STK3: variants seen among roughly 807,000 people sequenced by gnomAD.
STK3 encodes the protein serine/threonine-protein kinase 3.
A neutral mutation model predicts 58.0 loss-of-function variants in STK3; 41 were observed. That is an observed-to-expected ratio of 0.71 (90% CI 0.55 to 0.92). The LOEUF is 0.92. Among genes scored for constraint, STK3 ranks in the 40% least tolerant of loss-of-function variants. STK3 has a pLI of 0.00. For missense variants in STK3, 479 were observed against 602.7 expected (o/e 0.79, Z 2.15); for synonymous variants, 170 against 191.0 (o/e 0.89, Z 0.91).
At chr8:98,522,535 CTT>C (rs1477120162) in intron 10 of STK3, among the ~76,000 whole-genome samples, 1 of 152,074 alleles carries the variant, frequency 6.6e-6, no homozygotes, top group Non-Finnish European at 1.5e-5. Context: ...CCCCTCTTCT[CTT>C]ATGCATTTTT....
chr8:98,814,247 C>T (rs1429242690), intron 1 of STK3, among the ~76,000 whole-genome samples: 1 of 151,880 alleles, frequency 6.6e-6, no homozygotes, highest in African/African-American at 2.4e-5. Flanking sequence ...GACAGGGTTT[C>T]ACCATGTTGG....
intron 1 of STK3, among the ~76,000 whole-genome samples, chr8:98,792,696 C>T (rs974572169): frequency 1.8e-4 from 27 of 152,004 alleles, no homozygotes; most frequent in African/African-American, 3.1e-4. Flanking sequence ...AGTAAAACTC[C>T]GTCTCAAAGA....
chr8:98,606,868 C>A (rs1011585418), intron 6 of STK3, among the ~76,000 whole-genome samples: 5 of 152,170 alleles, frequency 3.3e-5, no homozygotes, highest in African/African-American at 9.7e-5. Context: ...TTCTGCCAGT[C>A]ATTCTAGCAA....
At chr8:98,453,080 GTTTTTT>G (rs919288019), downstream of STK3, among the ~76,000 whole-genome samples, 2 of 39,680 alleles carry the variant, frequency 5.0e-5, 1 homozygote, top group Non-Finnish European at 9.4e-5. Context: ...TTTCTTTCTT[GTTTTTT>G]TTTTTTTTTT....
At chr8:98,904,940 A>C in intron 1 of STK3, 1 of 709,780 alleles carries the variant, frequency 1.4e-6, no homozygotes, top group South Asian at 1.3e-5. Context: ...CTGCCTAGTT[A>C]CATGCAGAAG....
intron 8 of STK3, among the ~76,000 whole-genome samples, chr8:98,561,244 C>A (rs1029309782): frequency 6.6e-6 from 1 of 151,180 alleles, no homozygotes; most frequent in Admixed American, 6.6e-5. Context: ...AAAGGCAACT[C>A]ATTGGAGAAA....
At chr8:98,665,930 C>T (rs1230493831) in intron 6 of STK3, among the ~76,000 whole-genome samples, 1 of 151,962 alleles carries the variant, frequency 6.6e-6, no homozygotes, top group Admixed American at 6.6e-5. Flanking sequence ...GTCTCGATCT[C>T]CTGACCTCGT....
chr8:98,803,703 C>T (rs1478146192), intron 1 of STK3, among the ~76,000 whole-genome samples: 2 of 151,334 alleles, frequency 1.3e-5, no homozygotes, highest in African/African-American at 2.4e-5. Context: ...CATAACCTTA[C>T]TATCTTTAGG....
At chr8:98,748,291 C>A (rs1217298559) in intron 4 of STK3, among the ~76,000 whole-genome samples, 1 of 152,070 alleles carries the variant, frequency 6.6e-6, no homozygotes, top group East Asian at 1.9e-4. Context: ...GCTAGTTAAG[C>A]ACCATAGAAA....
intron 10 of STK3, among the ~76,000 whole-genome samples, chr8:98,509,612 C>G (rs1824350447): frequency 6.6e-6 from 1 of 151,738 alleles, no homozygotes; most frequent in South Asian, 2.1e-4. Context: ...ATAAACTATA[C>G]CATAAACTTA....
rs1205550787 is a variant in STK3 at position 98,707,287 on chromosome 8, T to C, written c.376A>G (p.Ile126Val). ...AGTCCTTTCAATGTAGATTTAAGAA[T>C]GGTTGCAATTTCATCTTCTATTAAC... ...KTLIEDEIATILKSTLKGLEY... is the reference protein window; with the variant it reads ...KTLIEDEIATVLKSTLKGLEY... The change falls in exon 5 of 11, where the codon ATT becomes GTT. Residue 126 changes from isoleucine to valine, a missense_variant. Ile to Val is a conservative substitution (Grantham distance 29). Transcript: ENST00000419617. The C allele has an allele frequency of 1.9e-6, 3 of 1,546,626 alleles. No individual in the cohort carries two copies. In the South Asian group the frequency reaches 3.7e-5, roughly 19 times the overall value.
At chr8:98,580,281 A>G (rs572101447) in intron 7 of STK3, among the ~76,000 whole-genome samples, 1 of 152,178 alleles carries the variant, frequency 6.6e-6, no homozygotes, top group African/African-American at 2.4e-5. Context: ...AATTTAACCA[A>G]GACAAAAATA....
chr8:98,442,048 T>C (rs1039552209), intron 1 of STK3, among the ~76,000 whole-genome samples: 2 of 152,228 alleles, frequency 1.3e-5, no homozygotes, highest in Non-Finnish European at 2.9e-5. Context: ...ATAAACGGCA[T>C]CACTGCTTTG....
At chr8:98,893,266 G>A (rs112925273) in intron 1 of STK3, among the ~76,000 whole-genome samples, 186 of 151,864 alleles carry the variant, frequency 1.2e-3, no homozygotes, top group African/African-American at 4.2e-3. Flanking sequence ...GTGCATGCCT[G>A]TAGTCCCAGC....
intron 6 of STK3, among the ~76,000 whole-genome samples, chr8:98,702,990 T>C (rs1825725033): frequency 1.3e-5 from 2 of 152,310 alleles, no homozygotes; most frequent in African/African-American, 2.4e-5. Flanking sequence ...CATCTTTGTC[T>C]CATTGTGGCA....
downstream of STK3, among the ~76,000 whole-genome samples, chr8:98,366,680 T>G (rs192973810): frequency 1.3e-5 from 2 of 152,324 alleles, no homozygotes; most frequent in Admixed American, 1.3e-4. Flanking sequence ...GAGCTTTCCA[T>G]TCTGTTTTAC....
chr8:98,598,407 G>A (rs1161199588), intron 6 of STK3: 8 of 985,168 alleles, frequency 8.1e-6, no homozygotes, highest in East Asian at 1.1e-4. Flanking sequence ...CATGAACACC[G>A]AGCATACAGT....
Position 98,579,658 on chromosome 8 carries a change from A to G in STK3, c.948+6T>C. 1 of 1,602,490 alleles carries G rather than the reference A, an allele frequency of 6.2e-7. No individual in the cohort carries two copies. The highest frequency in any genetic ancestry group is 8.5e-7 in the Non-Finnish European group (1 of 1,177,574). ...AAAAATCAACTTTTTGAAGATAATT[A>G]CAAACCGAATTTTCTTCTTCCTCTT... On this transcript the variant is annotated splice_donor_region_variant and intron_variant, in intron 8 of 10. Coordinates refer to ENST00000419617, the MANE Select transcript of STK3 (RefSeq NM_006281.4).
intron 6 of STK3, among the ~76,000 whole-genome samples, chr8:98,657,228 G>GTAC (rs762432892): frequency 6.3e-4 from 96 of 152,132 alleles, no homozygotes; most frequent in South Asian, 1.5e-3. Context: ...TAAGTGCCAG[G>GTAC]TACTGTGGTA....
Sources: gnomAD v4.1 joint callset for allele counts (sites outside exome capture counted in the v4.1 genomes callset) on GRCh38, gnomAD v4.1.1 for gene constraint, MANE v1.5 for transcripts, NCBI Gene and HGNC (gene_info 2026-07-23, HGNC 2026-07-21) for gene names.